LRRC4C: variants seen among roughly 807,000 people sequenced by gnomAD.
LRRC4C encodes the protein leucine rich repeat containing 4C.
A neutral mutation model predicts 33.6 loss-of-function variants in LRRC4C; 5 were observed. The ratio of observed to expected loss-of-function variants is 0.15; its 90% confidence interval spans 0.08 to 0.31. The LOEUF is 0.31. LRRC4C is among the 10% of genes least tolerant of loss of function. The probability of loss-of-function intolerance (pLI) is 1.00; values close to 1 mark genes in which losing one functional copy is unlikely to be tolerated. For synonymous variants in LRRC4C, 329 were observed against 302.0 expected, an observed-to-expected ratio of 1.09 and a Z score of -0.93; for missense variants, 560 against 796.7, an observed-to-expected ratio of 0.70 and a Z score of 3.58.
chr11:40,999,663 T>A (rs992350171), intron 1 of LRRC4C, among the ~76,000 whole-genome samples: 3 of 152,134 alleles, frequency 2.0e-5, no homozygotes, highest in Non-Finnish European at 2.9e-5. Flanking sequence ...ATATTTTTTT[T>A]AAATCAAAAT....
At chr11:40,313,629 A>C in intron 4 of LRRC4C, among the ~76,000 whole-genome samples, 1 of 100,168 alleles carries the variant, frequency 1.0e-5, no homozygotes, top group Non-Finnish European at 1.8e-5. Flanking sequence ...TTTTTTTGAG[A>C]TGGAGTCTCG....
chr11:41,394,881 A>G (rs920917429), intron 1 of LRRC4C: 1 of 151,998 alleles, frequency 6.6e-6, no homozygotes, highest in Non-Finnish European at 1.5e-5. Context: ...TAATAGAGAA[A>G]AGGGAAAGAT....
At chr11:40,796,095 G>C (rs1950813734) in intron 2 of LRRC4C, among the ~76,000 whole-genome samples, 1 of 152,086 alleles carries the variant, frequency 6.6e-6, no homozygotes, top group East Asian at 1.9e-4. Flanking sequence ...GGGTGCTTTG[G>C]TATTATACCC....
intron 1 of LRRC4C, among the ~76,000 whole-genome samples, chr11:41,382,311 T>A (rs1953187479): frequency 6.6e-6 from 1 of 151,980 alleles, no homozygotes; most frequent in African/African-American, 2.4e-5. Context: ...ACCTTAAATA[T>A]GCTGAAAGGA....
chr11:40,763,205 T>C (rs77853243), intron 2 of LRRC4C, among the ~76,000 whole-genome samples: 18,467 of 151,858 alleles, frequency 0.12, 1,495 homozygotes, highest in East Asian at 0.41. Flanking sequence ...GTGTTGGGTT[T>C]CTTCCAAGTG....
chr11:40,641,530 A>G (rs1942119729), intron 3 of LRRC4C, among the ~76,000 whole-genome samples: 1 of 152,206 alleles, frequency 6.6e-6, no homozygotes, highest in African/African-American at 2.4e-5. Context: ...ACTATTAGGA[A>G]GCCCCCTAAG....
chr11:40,482,538 A>G (rs1438377161), intron 3 of LRRC4C, among the ~76,000 whole-genome samples: 1 of 151,806 alleles, frequency 6.6e-6, no homozygotes, highest in African/African-American at 2.4e-5. Context: ...GCCCAGTGTC[A>G]GCTCACTGCA....
At chr11:40,132,291 T>C (rs1013028674) in intron 6 of LRRC4C, among the ~76,000 whole-genome samples, 4 of 152,224 alleles carry the variant, frequency 2.6e-5, no homozygotes, top group African/African-American at 9.6e-5. Context: ...AACCCAGGTC[T>C]TGAGTAAATT....
intron 3 of LRRC4C, among the ~76,000 whole-genome samples, chr11:40,607,950 C>T (rs945023280): frequency 2.0e-5 from 3 of 151,920 alleles, no homozygotes; most frequent in Non-Finnish European, 2.9e-5. Flanking sequence ...TGTGGGGCAC[C>T]AAAGAAGCAA....
intron 4 of LRRC4C, among the ~76,000 whole-genome samples, chr11:40,261,201 T>C (rs1439525023): frequency 1.1e-4 from 16 of 152,164 alleles, no homozygotes; most frequent in Non-Finnish European, 2.9e-5. Flanking sequence ...AAACAATTCT[T>C]TTAAAATATG....
intron 5 of LRRC4C, among the ~76,000 whole-genome samples, chr11:40,152,847 C>G (rs906259401): frequency 6.6e-6 from 1 of 152,132 alleles, no homozygotes; most frequent in African/African-American, 2.4e-5. Context: ...GATGGTCCTT[C>G]CCTATCCACC....
chr11:40,461,840 G>A (rs1359001444), intron 3 of LRRC4C, among the ~76,000 whole-genome samples: 1 of 151,438 alleles, frequency 6.6e-6, no homozygotes, highest in African/African-American at 2.4e-5. Flanking sequence ...ATATGACAGG[G>A]ATCTATGAAA....
chr11:41,180,988 A>T (rs980251140), intron 1 of LRRC4C, among the ~76,000 whole-genome samples: 15 of 152,152 alleles, frequency 9.9e-5, no homozygotes, highest in African/African-American at 3.6e-4. Context: ...GTGCAGACTC[A>T]GTTACCAGTT....
chr11:40,539,052 C>T (rs1004444428), intron 3 of LRRC4C, among the ~76,000 whole-genome samples: 1 of 151,860 alleles, frequency 6.6e-6, no homozygotes, highest in African/African-American at 2.4e-5. Context: ...ACTCTTTAGT[C>T]CCTCCACAAA....
intron 4 of LRRC4C, among the ~76,000 whole-genome samples, chr11:40,261,112 C>G (rs1397074939): frequency 1.3e-5 from 2 of 151,984 alleles, no homozygotes; most frequent in African/African-American, 2.4e-5. Flanking sequence ...AACTCCTGAC[C>G]TCAAGTGATC....
intron 1 of LRRC4C, among the ~76,000 whole-genome samples, chr11:41,079,652 T>A (rs563329369): frequency 6.6e-6 from 1 of 152,148 alleles, no homozygotes; most frequent in Non-Finnish European, 1.5e-5. Context: ...ACTTGGTTAG[T>A]AAAATATGAA....
At chr11:40,180,568 T>C (rs548499578) in intron 5 of LRRC4C, among the ~76,000 whole-genome samples, 1 of 152,306 alleles carries the variant, frequency 6.6e-6, no homozygotes, top group South Asian at 2.1e-4. Flanking sequence ...ATTTCTGGGA[T>C]GATTTTTTTG....
At chr11:41,137,270 C>A (rs1004442304) in intron 1 of LRRC4C, among the ~76,000 whole-genome samples, 1 of 151,834 alleles carries the variant, frequency 6.6e-6, no homozygotes, top group African/African-American at 2.4e-5. Context: ...AAAAAAGTGC[C>A]CTTTAGAGGA....
At chr11:40,988,786 G>A (rs1213595125) in intron 1 of LRRC4C, among the ~76,000 whole-genome samples, 1 of 138,982 alleles carries the variant, frequency 7.2e-6, no homozygotes, top group East Asian at 2.2e-4. Context: ...GGGAGATCTC[G>A]GCCCACTGCA....
Sources: allele counts gnomAD v4.1 joint callset (sites outside exome capture counted in the v4.1 genomes callset), GRCh38; gene constraint gnomAD v4.1.1; transcripts MANE v1.5; gene names NCBI Gene and HGNC (gene_info 2026-07-23, HGNC 2026-07-21).